RBFOX1: variants seen among roughly 807,000 people sequenced by gnomAD.
RBFOX1 encodes the protein RNA binding fox-1 homolog 1.
In RBFOX1, 8 loss-of-function variants were observed where a neutral mutation model predicts 57.7. That is an observed-to-expected ratio of 0.14 (90% CI 0.08 to 0.25). The LOEUF is 0.25. RBFOX1 is among the 10% of genes least tolerant of loss of function. RBFOX1 has a pLI of 1.00. For missense variants in RBFOX1, 611 were observed against 548.5 expected (o/e 1.11, Z -1.14); for synonymous variants, 326 against 222.4 (o/e 1.47, Z -4.15).
chr16:5,240,803 C>T (rs1326543644), intron 1 of RBFOX1, among the ~76,000 whole-genome samples: 2 of 152,164 alleles, frequency 1.3e-5, no homozygotes, highest in Admixed American at 1.3e-4. Flanking sequence ...TGGGATGGGG[C>T]TCCGTGGCCA....
chr16:6,054,864 C>T (rs2095595891), intron 1 of RBFOX1, among the ~76,000 whole-genome samples: 1 of 152,026 alleles, frequency 6.6e-6, no homozygotes. Flanking sequence ...TTCACTGCAA[C>T]CTCTGCCTCT....
chr16:6,188,532 C>T (rs1470137481), intron 1 of RBFOX1, among the ~76,000 whole-genome samples: 1 of 151,610 alleles, frequency 6.6e-6, no homozygotes, highest in Non-Finnish European at 1.5e-5. Context: ...TGTATGAAAC[C>T]AGAAACCTTC....
At chr16:5,392,147 G>A (rs912699218) in intron 1 of RBFOX1, among the ~76,000 whole-genome samples, 1 of 152,050 alleles carries the variant, frequency 6.6e-6, no homozygotes, top group Non-Finnish European at 1.5e-5. Flanking sequence ...GATGGGAGGA[G>A]GATGAGGGAT....
chr16:6,206,756 C>G (rs2097257970), intron 1 of RBFOX1, among the ~76,000 whole-genome samples: 1 of 152,132 alleles, frequency 6.6e-6, no homozygotes, highest in Non-Finnish European at 1.5e-5. Context: ...AATATTAATA[C>G]CAGAAGGTGC....
chr16:5,884,965 G>A (rs1188711130), intron 4 of RBFOX1, among the ~76,000 whole-genome samples: 1 of 152,160 alleles, frequency 6.6e-6, no homozygotes, highest in Non-Finnish European at 1.5e-5. Context: ...GATACCTAAT[G>A]TTGGCCCAGA....
intron 2 of RBFOX1, among the ~76,000 whole-genome samples, chr16:6,538,601 C>G (rs1302349676): frequency 6.6e-6 from 1 of 152,180 alleles, no homozygotes; most frequent in African/African-American, 2.4e-5. Flanking sequence ...CAAATGTTGT[C>G]CAGGCTGTGG....
chr16:6,828,224 A>C (rs1489798005), intron 3 of RBFOX1, among the ~76,000 whole-genome samples: 1 of 152,104 alleles, frequency 6.6e-6, no homozygotes, highest in Non-Finnish European at 1.5e-5. Flanking sequence ...ACAGGTAGTC[A>C]CAGCATAGTA....
intron 1 of RBFOX1, among the ~76,000 whole-genome samples, chr16:5,432,559 G>GTTTTTTTTTTTTTTTTGTTTT (rs35344614): frequency 9.6e-5 from 9 of 94,214 alleles, no homozygotes; most frequent in Admixed American, 1.3e-4. Flanking sequence ...TTGTTTGTTT[G>GTTTTTTTTTTTTTTTTGTTTT]TTTTTTTTTT....
At chr16:7,255,815 A>G (rs1019978319) in intron 4 of RBFOX1, among the ~76,000 whole-genome samples, 3 of 152,214 alleles carry the variant, frequency 2.0e-5, no homozygotes, top group Non-Finnish European at 2.9e-5. Flanking sequence ...TAAATCTTCA[A>G]TGTACATTTT....
At chr16:7,664,128 A>G (rs1340300205) in intron 12 of RBFOX1, among the ~76,000 whole-genome samples, 1 of 152,232 alleles carries the variant, frequency 6.6e-6, no homozygotes. Context: ...ACCCTTGTAC[A>G]TATAAGTACA....
intron 2 of RBFOX1, among the ~76,000 whole-genome samples, chr16:6,448,959 A>G (rs1210661096): frequency 6.6e-6 from 1 of 152,214 alleles, no homozygotes. Context: ...ATTTTCGTAA[A>G]CTAATTTCAG....
rs1300613649 is a variant in RBFOX1 at position 5,947,659 on chromosome 16, A to C, written c.351+80324A>C. ...AGGTATTTTTATGGCATCCCTTACC[A>C]TCTTCCTTCTCTATTGTAAATCTGC... On this transcript the variant is annotated intron_variant, in intron 4 of 19. Coordinates refer to the RBFOX1 transcript ENST00000641259. The surrounding 1 kb of genome is among the most constrained non-coding windows in gnomAD (Gnocchi z 7.2). Among the ~76,000 whole-genome samples the C allele has an allele frequency of 6.6e-6, 1 of 152,030 alleles. No individual in the cohort carries two copies. The highest frequency in any genetic ancestry group is 1.5e-5 in the Non-Finnish European group (1 of 68,000).
intron 4 of RBFOX1, among the ~76,000 whole-genome samples, chr16:7,371,935 A>G (rs938277532): frequency 1.3e-5 from 2 of 152,122 alleles, no homozygotes; most frequent in Non-Finnish European, 2.9e-5. Flanking sequence ...GGTGGCTGTG[A>G]CATACCTTAT....
rs1376452064 is a variant in RBFOX1 at position 7,653,902 on chromosome 16, C to T, written c.845C>T (p.Thr282Ile). 1.9e-6 allele frequency: 3 copies of T among 1,588,820 alleles called. No homozygotes were observed. Among genetic ancestry groups the T allele is most frequent in the Non-Finnish European group, 2.6e-6 (3 of 1,172,978 alleles). Residue 282 changes from threonine to isoleucine, a missense_variant, in exon 12 of 16, where the codon ACC becomes ATC. Thr to Ile is a moderately conservative substitution (Grantham distance 89, BLOSUM62 -1). Coordinates refer to ENST00000550418, the MANE Select transcript of RBFOX1 (RefSeq NM_018723.4). ...GGCCGCGGTCGCACCGTGTACAACA[C>T]CTTCAGGGCCGCGGCGCCCCCGCCC... ...LRGRGRTVYN[T>I]FRAAAPPPPI...
At chr16:5,953,502 T>TC (rs1291505460) in intron 4 of RBFOX1, among the ~76,000 whole-genome samples, 1 of 151,810 alleles carries the variant, frequency 6.6e-6, no homozygotes, top group Non-Finnish European at 1.5e-5. Flanking sequence ...TCCCACCCTT[T>TC]CCCCCCGAGT....
intron 4 of RBFOX1, among the ~76,000 whole-genome samples, chr16:7,445,698 C>CTGTTGTTGTTGTGTGGT (rs1443741661): frequency 6.6e-5 from 10 of 152,176 alleles, no homozygotes; most frequent in African/African-American, 2.4e-4. Flanking sequence ...GTTGCTGTTA[C>CTGTTGTTGTTGTGTGGT]TGTTGTTGTT....
chr16:7,383,200 G>C (rs964461757), intron 4 of RBFOX1, among the ~76,000 whole-genome samples: 5 of 151,382 alleles, frequency 3.3e-5, no homozygotes, highest in African/African-American at 1.2e-4. Context: ...ATTTCTCATG[G>C]CATGCCTGTA....
chr16:6,613,127 G>A (rs1043971307), intron 2 of RBFOX1, among the ~76,000 whole-genome samples: 21 of 151,704 alleles, frequency 1.4e-4, no homozygotes, highest in South Asian at 2.1e-4. Flanking sequence ...TTGCACTCGC[G>A]GTGCATGTGC....
intron 3 of RBFOX1, among the ~76,000 whole-genome samples, chr16:6,842,897 G>C (rs1454036809): frequency 2.6e-5 from 4 of 151,850 alleles, no homozygotes; most frequent in Admixed American, 1.3e-4. Flanking sequence ...GTTCAACTCC[G>C]ACTTATGAGT....
Sources: allele counts gnomAD v4.1 joint callset (sites outside exome capture counted in the v4.1 genomes callset), GRCh38; gene constraint gnomAD v4.1.1; non-coding constraint Gnocchi (gnomAD v3.1); transcripts MANE v1.5; gene names NCBI Gene and HGNC (gene_info 2026-07-23, HGNC 2026-07-21).